The following LRP1B variants were observed in gnomAD, a reference collection of about 807,000 sequenced individuals.
LRP1B encodes the protein LDL receptor related protein 1B.
In LRP1B, 217 loss-of-function variants were observed where a neutral mutation model predicts 556.6. The ratio of observed to expected loss-of-function variants is 0.39; its 90% CI spans 0.35 to 0.44. The LOEUF is 0.44. Among genes scored for constraint, LRP1B ranks in the 20% least tolerant of loss-of-function variants. LRP1B has a pLI of 1.00. For synonymous variants in LRP1B, 2,047 were observed against 1,865.8 expected (o/e 1.10, Z -2.50); for missense variants, 5,053 against 5,620.8 (o/e 0.90, Z 3.23).
At chr2:140,781,401 A>G (rs1323859617) in intron 32 of LRP1B, among the ~76,000 whole-genome samples, 2 of 152,210 alleles carry the variant, frequency 1.3e-5, no homozygotes, top group Non-Finnish European at 2.9e-5. Context: ...TCAGATTGTT[A>G]AAGCCCTACA....
chr2:142,036,268 T>C (rs1180314422), intron 1 of LRP1B, among the ~76,000 whole-genome samples: 1 of 151,722 alleles, frequency 6.6e-6, no homozygotes. Context: ...AGGCATTTCA[T>C]AGCCATTTTA....
At chr2:140,270,077 AAGG>A in intron 86 of LRP1B, among the ~76,000 whole-genome samples, 162 bp downstream of exon 86, 1 of 152,014 alleles carries the variant, frequency 6.6e-6, no homozygotes, top group Non-Finnish European at 1.5e-5. Context: ...AATTTGATGA[AAGG>A]AGATTCTGCA....
intron 2 of LRP1B, among the ~76,000 whole-genome samples, chr2:141,751,757 A>C (rs1426920565): frequency 6.6e-6 from 1 of 151,796 alleles, no homozygotes; most frequent in Non-Finnish European, 1.5e-5. Flanking sequence ...TTAAGAAGAG[A>C]AAAAGGATTT....
chr2:141,255,528 C>T (rs1050768613), intron 3 of LRP1B, among the ~76,000 whole-genome samples: 1 of 151,886 alleles, frequency 6.6e-6, no homozygotes, highest in Non-Finnish European at 1.5e-5. Flanking sequence ...TGAAACATTC[C>T]AAACTGAACA....
At position 141,864,535 on chromosome 2, in the gene LRP1B, A is replaced by C. The variant is rs565819089; in HGVS notation, c.83-54134T>G. Among the ~76,000 whole-genome samples the C allele has an allele frequency of 8.0e-5, 12 of 150,392 alleles. No individual in the cohort carries two copies. In the East Asian group the frequency reaches 2.4e-3, roughly 30 times the overall value. ...TAAGGATGCATTCTTCCTTCTACCC[A>C]ACTTTATTTTGCATTAAAATCTTGA... On this transcript the variant is annotated intron_variant, in intron 1 of 90. Coordinates refer to ENST00000389484, the MANE Select transcript of LRP1B (RefSeq NM_018557.3).
At chr2:142,015,991 C>CAAAAGAAAAAAAA (rs1703115922) in intron 1 of LRP1B, among the ~76,000 whole-genome samples, 4 of 38,790 alleles carry the variant, frequency 1.0e-4, no homozygotes, top group African/African-American at 3.1e-4. Flanking sequence ...GACTCCATCT[C>CAAAAGAAAAAAAA]AAAAAAAAAA....
At chr2:140,304,830 G>C (rs1032785531) in intron 83 of LRP1B, among the ~76,000 whole-genome samples, 2 of 152,150 alleles carry the variant, frequency 1.3e-5, no homozygotes, top group East Asian at 1.9e-4. Flanking sequence ...ATTAATTTTT[G>C]TATAAGGTGT....
Position 141,549,269 on chromosome 2 carries a change from G to A in LRP1B, c.206-68736C>T, listed in dbSNP as rs180985105. ...TAAATGTAAACCTCATGACGTTATC[G>A]TGAGGAAAAAATAAGACATTGCACA... On this transcript the variant is annotated intron_variant, in intron 2 of 90. Transcript: ENST00000389484. Among the ~76,000 whole-genome samples, 10 of 152,238 alleles carry A rather than the reference G, an allele frequency of 6.6e-5. No individual in the cohort carries two copies. The East Asian group carries it at 1.5e-3, about 24-fold the overall frequency.
chr2:140,386,129 G>A lies in LRP1B; in HGVS notation c.10415-120C>T, dbSNP rs1683751322. On this transcript the variant is annotated intron_variant, in intron 66 of 90. Transcript: ENST00000389484. Reference sequence around the variant, plus strand: ...GTTTCCTTAATTCAGTTACTAAGAAGCATCCTTAGGAAAAATTGAAGGCAA... The same window carrying A: ...GTTTCCTTAATTCAGTTACTAAGAAACATCCTTAGGAAAAATTGAAGGCAA... 1.5e-5 allele frequency: 10 copies of A among 660,002 alleles called. No homozygotes were observed. In the South Asian group the frequency reaches 1.6e-4, roughly 11 times the overall value. 40.9% of individuals were successfully genotyped at this position (660,002 alleles called of 1,614,324 possible).
chr2:141,444,912 GTTC>G (rs1237276314), intron 3 of LRP1B, among the ~76,000 whole-genome samples: 1 of 152,154 alleles, frequency 6.6e-6, no homozygotes, highest in East Asian at 1.9e-4. Flanking sequence ...TCTCTGTCAG[GTTC>G]TGGTATCAGG....
chr2:140,812,988 C>G (rs556068605), intron 32 of LRP1B, among the ~76,000 whole-genome samples: 1 of 152,046 alleles, frequency 6.6e-6, no homozygotes, highest in Admixed American at 6.6e-5. Context: ...TTGAAAAATT[C>G]AAACTATCTT....
intron 2 of LRP1B, among the ~76,000 whole-genome samples, chr2:141,721,780 T>A (rs7599716): frequency 3.3e-5 from 5 of 151,856 alleles, no homozygotes; most frequent in African/African-American, 1.2e-4. Flanking sequence ...CAGAAAATTG[T>A]GAAAAATTAT....
At chr2:141,327,328 A>G (rs1256840901) in intron 3 of LRP1B, among the ~76,000 whole-genome samples, 1 of 152,214 alleles carries the variant, frequency 6.6e-6, no homozygotes, top group Non-Finnish European at 1.5e-5. Flanking sequence ...AAATTGCAAG[A>G]ACAATTTTAG....
chr2:140,744,599 C>T (rs1688257631), intron 35 of LRP1B, among the ~76,000 whole-genome samples: 1 of 152,198 alleles, frequency 6.6e-6, no homozygotes, highest in African/African-American at 2.4e-5. Flanking sequence ...GCTTACTGTA[C>T]CTCTGCCTTT....
At chr2:140,690,700 A>G (rs545381558) in intron 41 of LRP1B, among the ~76,000 whole-genome samples, 2 of 152,260 alleles carry the variant, frequency 1.3e-5, no homozygotes, top group Admixed American at 6.5e-5. Flanking sequence ...TCTACTCTCC[A>G]TAATCAATGA....
At chr2:141,754,528 G>T (rs1203262517) in intron 2 of LRP1B, among the ~76,000 whole-genome samples, 2 of 152,082 alleles carry the variant, frequency 1.3e-5, no homozygotes, top group Non-Finnish European at 2.9e-5. Flanking sequence ...AGTTTAGAAC[G>T]CCATTCAGTG....
intron 7 of LRP1B, among the ~76,000 whole-genome samples, chr2:141,174,969 G>C (rs549822592): frequency 5.9e-5 from 9 of 152,218 alleles, no homozygotes; most frequent in East Asian, 5.8e-4. Flanking sequence ...GATCACTCTT[G>C]CTATTCTTTA....
At chr2:140,843,089 T>G (rs374121456) in intron 29 of LRP1B, among the ~76,000 whole-genome samples, 2,103 of 29,610 alleles carry the variant, frequency 0.071, 117 homozygotes, top group Admixed American at 0.25. Flanking sequence ...TTGTTTGTTT[T>G]TTTTTTTTTT....
At chr2:140,796,713 A>C (rs990458039) in intron 32 of LRP1B, among the ~76,000 whole-genome samples, 1 of 152,130 alleles carries the variant, frequency 6.6e-6, no homozygotes, top group Non-Finnish European at 1.5e-5. Flanking sequence ...AAAGTAACTT[A>C]TCTCTTTTGA....
Sources: gnomAD v4.1 joint callset for allele counts (sites outside exome capture counted in the v4.1 genomes callset) on GRCh38, gnomAD v4.1.1 for gene constraint, MANE v1.5 for transcripts, NCBI Gene and HGNC (gene_info 2026-07-23, HGNC 2026-07-21) for gene names.